Variants in ZBTB20 observed in about 807,000 individuals in gnomAD.
ZBTB20 encodes the protein zinc finger and BTB domain-containing protein 20.
A neutral mutation model predicts 56.9 loss-of-function variants in ZBTB20; 9 were observed. That is an observed-to-expected ratio of 0.16 (90% CI 0.10 to 0.28). The LOEUF (loss-of-function observed/expected upper bound fraction) is 0.28. Ranked by LOEUF, ZBTB20 falls within the 10% of genes least tolerant of loss-of-function variation. The pLI is 1.00. For missense variants in ZBTB20, 655 were observed against 1,003.0 expected, an observed-to-expected ratio of 0.65 and a Z score of 4.69; for synonymous variants, 417 against 420.7, an observed-to-expected ratio of 0.99 and a Z score of 0.11.
At chr3:114,888,858 A>C (rs1348961805) in intron 4 of ZBTB20, among the ~76,000 whole-genome samples, 1 of 152,128 alleles carries the variant, frequency 6.6e-6, no homozygotes, top group African/African-American at 2.4e-5. Context: ...CATTTTAGTT[A>C]ATTTTCAATA....
intron 6 of ZBTB20, among the ~76,000 whole-genome samples, chr3:114,564,805 C>T (rs1016116350): frequency 1.3e-5 from 2 of 152,194 alleles, no homozygotes; most frequent in Non-Finnish European, 2.9e-5. Flanking sequence ...CTTTCTTGTG[C>T]TCTTCCTTCA....
chr3:114,354,933 C>T (rs930648456), intron 10 of ZBTB20, among the ~76,000 whole-genome samples: 1 of 152,128 alleles, frequency 6.6e-6, no homozygotes, highest in African/African-American at 2.4e-5. Context: ...TCGAGGCTCT[C>T]AAAATGTCTA....
intron 1 of ZBTB20, among the ~76,000 whole-genome samples, chr3:115,083,188 C>A (rs570672928): frequency 1.3e-5 from 2 of 152,032 alleles, no homozygotes; most frequent in Non-Finnish European, 2.9e-5. Context: ...ACATATACTC[C>A]ATCAATTTGT....
intron 4 of ZBTB20, among the ~76,000 whole-genome samples, chr3:114,867,784 G>A (rs907915422): frequency 2.6e-5 from 4 of 152,126 alleles, no homozygotes; most frequent in Non-Finnish European, 5.9e-5. Context: ...AACCATAGGG[G>A]CATAAAAAGA....
At chr3:114,447,119 T>C (rs901707766) in intron 7 of ZBTB20, among the ~76,000 whole-genome samples, 3 of 152,124 alleles carry the variant, frequency 2.0e-5, no homozygotes, top group Non-Finnish European at 4.4e-5. Context: ...AAGTAGCTCT[T>C]CCCCCATTAA....
chr3:114,408,726 C>G (rs747621760), intron 7 of ZBTB20, among the ~76,000 whole-genome samples: 2 of 151,856 alleles, frequency 1.3e-5, no homozygotes, highest in Non-Finnish European at 2.9e-5. Context: ...TCCACCCCCA[C>G]CCCCAATTTT....
At chr3:114,550,028 C>T (rs1577473313) in intron 6 of ZBTB20, among the ~76,000 whole-genome samples, 1 of 152,110 alleles carries the variant, frequency 6.6e-6, no homozygotes, top group Non-Finnish European at 1.5e-5. Context: ...AGCTCCACCT[C>T]CTGGGTTCAT....
intron 5 of ZBTB20, among the ~76,000 whole-genome samples, chr3:114,766,182 T>C (rs776754809): frequency 1.3e-5 from 2 of 151,852 alleles, no homozygotes; most frequent in African/African-American, 2.4e-5. Context: ...TGGAGAAACA[T>C]GAGAGGACTG....
chr3:114,539,139 A>C (rs1280732158), intron 6 of ZBTB20, among the ~76,000 whole-genome samples: 1 of 152,088 alleles, frequency 6.6e-6, no homozygotes. Flanking sequence ...GGCTCCTTCC[A>C]ATTTTAAGTT....
intron 5 of ZBTB20, among the ~76,000 whole-genome samples, chr3:114,775,848 G>C (rs187653042): frequency 6.6e-5 from 10 of 152,114 alleles, no homozygotes; most frequent in Non-Finnish European, 1.2e-4. Context: ...ACTGAGGAAA[G>C]GCAGAACTGG....
intron 4 of ZBTB20, among the ~76,000 whole-genome samples, chr3:114,858,481 G>A (rs1215448366): frequency 6.6e-6 from 1 of 151,978 alleles, no homozygotes; most frequent in Non-Finnish European, 1.5e-5. Context: ...TTTACATAGT[G>A]CAATAAAAAG....
intron 7 of ZBTB20, among the ~76,000 whole-genome samples, chr3:114,451,518 A>G (rs1208272124): frequency 6.6e-6 from 1 of 152,186 alleles, no homozygotes; most frequent in East Asian, 1.9e-4. Context: ...AAATAATTAA[A>G]GCTTTGTCTT....
chr3:114,991,488 T>G (rs2078807464), intron 2 of ZBTB20, among the ~76,000 whole-genome samples: 1 of 152,162 alleles, frequency 6.6e-6, no homozygotes, highest in Admixed American at 6.6e-5. Flanking sequence ...ATAATTTCTG[T>G]TCTTTTACAT....
intron 10 of ZBTB20, among the ~76,000 whole-genome samples, chr3:114,378,784 C>T (rs1330525579): frequency 1.3e-5 from 2 of 152,214 alleles, no homozygotes; most frequent in African/African-American, 4.8e-5. Context: ...CCAATTCTTT[C>T]TGTCATTACT....
At chr3:114,826,136 G>A (rs1187088636) in intron 4 of ZBTB20, among the ~76,000 whole-genome samples, 1 of 151,720 alleles carries the variant, frequency 6.6e-6, no homozygotes, top group Non-Finnish European at 1.5e-5. Flanking sequence ...ATGAAGGAAA[G>A]GTTGTATACT....
chr3:114,433,397 C>T (rs755110688), intron 7 of ZBTB20, among the ~76,000 whole-genome samples: 9 of 152,262 alleles, frequency 5.9e-5, no homozygotes, highest in Non-Finnish European at 8.8e-5. Flanking sequence ...TTATTAAAAA[C>T]CTACTATGTG....
chr3:115,036,110 C>T (rs2080907441), intron 2 of ZBTB20, among the ~76,000 whole-genome samples: 1 of 152,032 alleles, frequency 6.6e-6, no homozygotes, highest in Non-Finnish European at 1.5e-5. Context: ...TGTGTATAGG[C>T]TTTAAGTTTG....
chr3:114,541,124 C>A (rs899138893), intron 6 of ZBTB20, among the ~76,000 whole-genome samples: 4 of 151,884 alleles, frequency 2.6e-5, no homozygotes, highest in Non-Finnish European at 1.5e-5. Context: ...GGTTAAATGC[C>A]CTTTTGATTA....
intron 4 of ZBTB20, among the ~76,000 whole-genome samples, chr3:114,831,504 G>A (rs1011202655): frequency 3.3e-5 from 5 of 151,962 alleles, no homozygotes; most frequent in African/African-American, 1.2e-4. Flanking sequence ...TTACTCTACA[G>A]TGTCTAACTC....
Sources: gnomAD v4.1 joint callset for allele counts (sites outside exome capture counted in the v4.1 genomes callset) on GRCh38, gnomAD v4.1.1 for gene constraint, MANE v1.5 for transcripts, NCBI Gene and HGNC (gene_info 2026-07-23, HGNC 2026-07-21) for gene names.